The following SCLT1 variants were observed in gnomAD, a reference collection of about 807,000 sequenced individuals.
SCLT1 encodes the protein sodium channel-associated protein 1.
In SCLT1, 78 loss-of-function variants were observed where a neutral mutation model predicts 112.8. That is an observed-to-expected ratio of 0.69 (90% CI 0.58 to 0.83). SCLT1 has a LOEUF of 0.83. Ranked by LOEUF, SCLT1 falls within the 40% of genes least tolerant of loss-of-function variation. The probability of loss-of-function intolerance (pLI) is 0.00; values close to 1 mark genes in which losing one functional copy is unlikely to be tolerated. For missense variants in SCLT1, 747 were observed against 770.4 expected (o/e 0.97, Z 0.36); for synonymous variants, 257 against 254.7 (o/e 1.01, Z -0.09).
intron 18 of SCLT1, among the ~76,000 whole-genome samples, chr4:128,896,204 C>T (rs318515): frequency 0.52 from 79,066 of 152,044 alleles, 21,008 homozygotes; most frequent in African/African-American, 0.62. Flanking sequence ...TCTCCCAGCA[C>T]GCAGCTGGAG....
At chr4:128,874,792 T>TAA (rs964398781) in intron 4 of SCLT1, 78 of 152,794 alleles carry the variant, frequency 5.1e-4, no homozygotes, top group African/African-American at 1.8e-3. Context: ...TGATTATGAT[T>TAA]AATGTATTAT....
chr4:129,023,991 G>A (rs1190580124), intron 5 of SCLT1, among the ~76,000 whole-genome samples: 1 of 152,228 alleles, frequency 6.6e-6, no homozygotes, highest in African/African-American at 2.4e-5. Flanking sequence ...TGGGGGAGGG[G>A]CGCCCGCCAT....
chr4:129,074,848 T>C (rs1269516089), intron 2 of SCLT1, among the ~76,000 whole-genome samples: 1 of 152,110 alleles, frequency 6.6e-6, no homozygotes, highest in Non-Finnish European at 1.5e-5. Flanking sequence ...ACTATAGGCA[T>C]GCACCATCAT....
chr4:129,085,919 C>A (rs1243524565), intron 1 of SCLT1, among the ~76,000 whole-genome samples: 1 of 152,028 alleles, frequency 6.6e-6, no homozygotes, highest in Non-Finnish European at 1.5e-5. Context: ...AGGCTTAATA[C>A]CTGGGTGACA....
chr4:129,047,646 T>C (rs1304359670), intron 2 of SCLT1, among the ~76,000 whole-genome samples: 1 of 152,086 alleles, frequency 6.6e-6, no homozygotes, highest in Non-Finnish European at 1.5e-5. Flanking sequence ...CTCACCAGCA[T>C]CCATTATTGC....
chr4:128,899,066 T>A (rs1734040819), intron 18 of SCLT1, among the ~76,000 whole-genome samples: 2 of 152,092 alleles, frequency 1.3e-5, no homozygotes, highest in African/African-American at 2.4e-5. Flanking sequence ...CAGGACCAGA[T>A]GGATTCACAG....
intron 18 of SCLT1, among the ~76,000 whole-genome samples, chr4:128,899,639 A>G (rs1267831536): frequency 1.3e-5 from 2 of 151,998 alleles, no homozygotes; most frequent in African/African-American, 4.8e-5. Flanking sequence ...CTCTCTCACC[A>G]CTCCTATTCA....
chr4:128,975,168 A>T (rs547891595), intron 9 of SCLT1, among the ~76,000 whole-genome samples: 28 of 150,740 alleles, frequency 1.9e-4, no homozygotes, highest in Admixed American at 1.8e-3. Flanking sequence ...CCTCCTGAGT[A>T]GCTGGGACTA....
At chr4:129,062,936 G>C (rs1363486473) in intron 2 of SCLT1, among the ~76,000 whole-genome samples, 1 of 152,138 alleles carries the variant, frequency 6.6e-6, no homozygotes, top group East Asian at 1.9e-4. Flanking sequence ...CCCAAGATTT[G>C]GGAATTTTTC....
At chr4:128,989,290 C>T (rs1425577690) in intron 9 of SCLT1, among the ~76,000 whole-genome samples, 1 of 151,694 alleles carries the variant, frequency 6.6e-6, no homozygotes, top group Non-Finnish European at 1.5e-5. Flanking sequence ...TTTCTGACTA[C>T]AAAGGAATAA....
intron 2 of SCLT1, among the ~76,000 whole-genome samples, chr4:129,061,403 G>C (rs533268927): frequency 2.0e-5 from 3 of 152,202 alleles, no homozygotes; most frequent in Admixed American, 2.0e-4. Flanking sequence ...GTAGGGTGGG[G>C]TGTTTCAGCT....
intron 18 of SCLT1, among the ~76,000 whole-genome samples, chr4:128,927,071 A>G (rs1274921782): frequency 6.6e-6 from 1 of 152,144 alleles, no homozygotes; most frequent in African/African-American, 2.4e-5. Context: ...GTACTAAATA[A>G]TACAATAAAA....
chr4:129,004,220 A>G (rs1743790593), intron 5 of SCLT1, among the ~76,000 whole-genome samples: 1 of 152,118 alleles, frequency 6.6e-6, no homozygotes, highest in African/African-American at 2.4e-5. Flanking sequence ...AAAAATTCTA[A>G]AATATCTATG....
At chr4:128,896,723 T>G (rs562033649) in intron 18 of SCLT1, among the ~76,000 whole-genome samples, 58 of 151,916 alleles carry the variant, frequency 3.8e-4, no homozygotes, top group Non-Finnish European at 8.8e-5. Flanking sequence ...ATCAAACTAC[T>G]CCCAGCTAAA....
chr4:128,966,082 G>A (rs995272777), intron 10 of SCLT1, among the ~76,000 whole-genome samples: 14 of 150,540 alleles, frequency 9.3e-5, no homozygotes, highest in African/African-American at 2.9e-4. Context: ...CACCCACCTC[G>A]GCCTCCCAAA....
rs117061938 is a variant in SCLT1, at chr4:129,056,972, C to T, written c.103-12921G>A. 1.2e-4 allele frequency among the ~76,000 whole-genome samples: 19 copies of T among 152,298 alleles called. No individual in the cohort carries two copies. The East Asian group carries it at 3.7e-3, about 29-fold the overall frequency. On this transcript the variant is annotated intron_variant, in intron 2 of 20. Transcript: ENST00000281142. ...AGAATAATGCTGGCTGTGGGTTTGT[C>T]ATATATGGTCTTAATTGGGCTGAGA...
chr4:129,035,243 G>A (rs1024084741), intron 5 of SCLT1, among the ~76,000 whole-genome samples: 1 of 152,078 alleles, frequency 6.6e-6, no homozygotes, highest in African/African-American at 2.4e-5. Context: ...GTTTAAAAAT[G>A]GCTATAGCAG....
intron 5 of SCLT1, among the ~76,000 whole-genome samples, chr4:129,006,088 GCA>G (rs1408145849): frequency 6.6e-6 from 1 of 151,018 alleles, no homozygotes; most frequent in Non-Finnish European, 1.5e-5. Context: ...AATGGGTGCA[GCA>G]CACCAGCATG....
intron 2 of SCLT1, among the ~76,000 whole-genome samples, chr4:129,074,760 G>T (rs2125760484): frequency 6.6e-6 from 1 of 152,244 alleles, no homozygotes; most frequent in Non-Finnish European, 1.5e-5. Context: ...GGAGTGCAAT[G>T]GTGCAAGCAT....
Sources: gnomAD v4.1 joint callset for allele counts (sites outside exome capture counted in the v4.1 genomes callset) on GRCh38, gnomAD v4.1.1 for gene constraint, MANE v1.5 for transcripts, NCBI Gene and HGNC (gene_info 2026-07-23, HGNC 2026-07-21) for gene names.